Variants in CELF5 observed in about 807,000 individuals in gnomAD.
CELF5 encodes CUG-BP and ETR-3 like factor 5.
In CELF5, 6 loss-of-function variants were observed where a neutral mutation model predicts 54.9. The observed-to-expected ratio is 0.11, with a 90% CI of 0.06 to 0.22. CELF5 has a LOEUF of 0.22. Ranked by LOEUF, CELF5 falls within the 10% of genes least tolerant of loss-of-function variation. CELF5 has a pLI of 1.00. For missense variants in CELF5, 401 were observed against 678.6 expected (o/e 0.59, Z 4.54); for synonymous variants, 271 against 290.9 (o/e 0.93, Z 0.70).
chr19:3,227,615 G>A lies in CELF5; in HGVS notation c.259+2617G>A, dbSNP rs534081869. ...CGGCTCCTGGTACAAGCCCGGAGGG[G>A]GTCAGCTGGTACCACCTCTAGCCCT... On this transcript the variant is annotated intron_variant, in intron 1 of 12. Coordinates refer to ENST00000292672, the MANE Select transcript of CELF5 (RefSeq NM_021938.4). Among the ~76,000 whole-genome samples, 12 of 152,158 alleles carry A rather than the reference G, an allele frequency of 7.9e-5. 1 individual carries two copies. The South Asian group carries it at 2.5e-3, about 32-fold the overall frequency.
intron 2 of CELF5, among the ~76,000 whole-genome samples, chr19:3,252,613 C>T (rs902895745): frequency 2.6e-5 from 4 of 152,154 alleles, no homozygotes; most frequent in African/African-American, 4.8e-5. Context: ...GGAAATCTGA[C>T]GTGCGCCTTC....
At chr19:3,273,810 A>ACCCCCCCC in intron 2 of CELF5, 62 bp from the exon 3 acceptor site, 1 of 1,190,150 alleles carries the variant, frequency 8.4e-7, no homozygotes, top group Non-Finnish European at 1.2e-6. Context: ...CTCAGGCAAA[A>ACCCCCCCC]CCCCCCGCCT....
At chr19:3,262,513 C>T (rs528279826) in intron 2 of CELF5, among the ~76,000 whole-genome samples, 10 of 152,048 alleles carry the variant, frequency 6.6e-5, no homozygotes, top group South Asian at 2.1e-4. Flanking sequence ...CCATATGGGA[C>T]GTAGACTGTT....
At chr19:3,285,309 C>G (rs1229773034) in intron 9 of CELF5, among the ~76,000 whole-genome samples, 4 of 151,686 alleles carry the variant, frequency 2.6e-5, no homozygotes, top group African/African-American at 9.7e-5. Context: ...TCGGCCCTGC[C>G]CCTTACCCTC....
chr19:3,296,495 A>G (rs2080455787), intron 12 of CELF5: 1 of 151,644 alleles, frequency 6.6e-6, no homozygotes, highest in Non-Finnish European at 1.5e-5. Context: ...AGAAAAAAAA[A>G]AATCTTCTGA....
chr19:3,290,390 C>T lies in CELF5; in HGVS notation c.1330+16C>T, dbSNP rs764306637. 449 of 1,611,586 alleles carry T rather than the reference C, an allele frequency of 2.8e-4. No individual in the cohort carries two copies. Among genetic ancestry groups the T allele is most frequent in the Non-Finnish European group, 3.4e-4 (404 of 1,178,258 alleles). On this transcript the variant is annotated intron_variant, in intron 11 of 12. Transcript: ENST00000292672. Reference sequence around the variant, plus strand: ...AAGTGTTTCGGTGAGTGGCCGCCGACGCCACCCCTCCCCATCCACCTCCCT... The same window carrying T: ...AAGTGTTTCGGTGAGTGGCCGCCGATGCCACCCCTCCCCATCCACCTCCCT...
rs139670443 is a variant in CELF5, at chr19:3,281,231, C to T, written c.636C>T (p.Ala212=). ...GASSSLVVKF[A]DTDKERTLRR... ...CCTCCAGCCTGGTGGTCAAGTTCGCCGACACGGACAAGGAGCGGACGCTCC... is the reference window on the plus strand; with the variant it reads ...CCTCCAGCCTGGTGGTCAAGTTCGCTGACACGGACAAGGAGCGGACGCTCC... The change falls in exon 6 of 13, where the codon GCC becomes GCT. Residue 212 remains alanine (A), a synonymous_variant. Transcript: ENST00000292672. This position sits in a 1 kb window ranked among gnomAD's most constrained non-coding sequence, Gnocchi z 6.5. The T allele has an allele frequency of 9.7e-5, 156 of 1,609,518 alleles. No individual in the cohort carries two copies. In the African/African-American group the frequency reaches 1.3e-3, roughly 13 times the overall value.
In CELF5 at chr19:3,281,655, G is replaced by A. The variant is rs2080154569; in HGVS notation, c.750+310G>A. 6.6e-6 allele frequency among the ~76,000 whole-genome samples: 1 copy of A among 152,122 alleles called. No individual in the cohort carries two copies. Among genetic ancestry groups the A allele is most frequent in the Admixed American group, 6.6e-5 (1 of 15,262 alleles). ...CTGATCCCAAACTGAGACCTGACCT[G>A]ATCAAGCTCCACCCTGGCTGAGACC... On this transcript the variant is annotated intron_variant, in intron 6 of 12. Transcript: ENST00000292672. This position sits in a 1 kb window ranked among gnomAD's most constrained non-coding sequence, Gnocchi z 6.5.
intron 12 of CELF5, chr19:3,294,257 A>G (rs2080398566): frequency 6.6e-6 from 1 of 152,192 alleles, no homozygotes; most frequent in Non-Finnish European, 1.5e-5. Flanking sequence ...GTGGGTCTCA[A>G]ACCTTGATGA....
chr19:3,288,129 G>A (rs563383574), intron 10 of CELF5, among the ~76,000 whole-genome samples: 5 of 152,290 alleles, frequency 3.3e-5, no homozygotes, highest in African/African-American at 1.2e-4. Flanking sequence ...TTCAGCGGTC[G>A]CCCACAGTTT....
Position 3,282,180 on chromosome 19 carries a change from G to A in CELF5, c.805G>A (p.Gly269Ser), listed in dbSNP as rs148579507. The change falls in exon 7 of 13, where the codon GGC (glycine) becomes AGC (serine). Residue 269 changes from glycine to serine, a missense_variant. Gly to Ser is a moderately conservative substitution (Grantham distance 56, BLOSUM62 0). Around this residue, in one of 6 missense-constraint regions of CELF5, gnomAD observed 87 missense variants for 190.2 expected, o/e 0.46. Transcript: ENST00000292672. The surrounding 1 kb of genome is among the most constrained non-coding windows in gnomAD (Gnocchi z 5.2). The stretch of plus-strand genomic sequence containing the variant: ...CACCTCGGGCAGCTACCTGAGTCCC[G>A]GCGTGGCCTTCTCACCCTGTCACAT... The part of the protein sequence containing the change: ...LSTSGSYLSP[G>S]VAFSPCHIQQ... 2.3e-5 allele frequency: 37 copies of A among 1,614,148 alleles called. No homozygotes were observed. Among genetic ancestry groups the A allele is most frequent in the African/African-American group, 2.1e-4 (16 of 75,048 alleles).
intron 1 of CELF5, among the ~76,000 whole-genome samples, chr19:3,245,547 C>A (rs2145039982): frequency 6.6e-6 from 1 of 151,106 alleles, no homozygotes; most frequent in African/African-American, 2.4e-5. Flanking sequence ...CCCTCCAAAC[C>A]CTGCAGACAA....
At chr19:3,259,098 T>C (rs2079771960) in intron 2 of CELF5, among the ~76,000 whole-genome samples, 1 of 152,000 alleles carries the variant, frequency 6.6e-6, no homozygotes, top group Admixed American at 6.6e-5. Flanking sequence ...AGTCGAGAGA[T>C]GGAAGGATTT....
chr19:3,251,652 CTTTTTTTTT>C (rs1195812856), intron 2 of CELF5, among the ~76,000 whole-genome samples: 1 of 67,112 alleles, frequency 1.5e-5, no homozygotes, highest in African/African-American at 4.4e-5. Context: ...ACAAGGGCTT[CTTTTTTTTT>C]TTTTTTTTTT....
rs555551229 is a variant in CELF5 at position 3,267,069 on chromosome 19, GTGTGCGTGTGCGTGTGTGCA to G, written c.343-6798_343-6779del. On this transcript the variant is annotated intron_variant, in intron 2 of 12. Coordinates refer to ENST00000292672, the MANE Select transcript of CELF5 (RefSeq NM_021938.4). ...CCCCCACCCAAGAAAACACCTCTGT[GTGTGCGTGTGCGTGTGTGCA>G]TGTGTGTGTGTGTGTGTGCGTGTGC... Among the ~76,000 whole-genome samples, 750 of 145,556 alleles carry G rather than the reference GTGTGCGTGTGCGTGTGTGCA, an allele frequency of 5.2e-3. 4 individuals are homozygous for G. The highest frequency in any genetic ancestry group is 8.4e-3 in the Non-Finnish European group (561 of 66,750).
Position 3,275,744 on chromosome 19 carries a change from G to C in CELF5, c.395-112G>C, listed in dbSNP as rs1384547077. The C allele has an allele frequency of 4.2e-6, 5 of 1,196,514 alleles. No homozygotes were observed. Among genetic ancestry groups the C allele is most frequent in the Non-Finnish European group, 5.7e-6 (5 of 883,626 alleles). 74.1% of individuals were successfully genotyped at this position (1,196,514 alleles called of 1,614,324 possible). A position where few individuals can be genotyped will look rare whatever the true frequency, so the allele number is the denominator to read the frequency against. The stretch of plus-strand genomic sequence containing the variant: ...CGCAGAACCGGAGCCGGCAGGGCCC[G>C]GGCGCCGCGTCTTCCTGCCCTGCCG... On this transcript the variant is annotated intron_variant, in intron 3 of 12. Coordinates refer to ENST00000292672, the MANE Select transcript of CELF5 (RefSeq NM_021938.4). This position sits in a 1 kb window ranked among gnomAD's most constrained non-coding sequence, Gnocchi z 6.7.
chr19:3,267,997 T>C (rs1452405927), intron 2 of CELF5, among the ~76,000 whole-genome samples: 2 of 151,998 alleles, frequency 1.3e-5, no homozygotes, highest in Non-Finnish European at 2.9e-5. Context: ...GATTTTTGTT[T>C]TGTTTTGTTT....
At chr19:3,262,526 A>G (rs1353419807) in intron 2 of CELF5, among the ~76,000 whole-genome samples, 1 of 152,188 alleles carries the variant, frequency 6.6e-6, no homozygotes, top group Non-Finnish European at 1.5e-5. Context: ...AGACTGTTCT[A>G]GACCAGAGAG....
chr19:3,230,941 G>A (rs996355446), intron 1 of CELF5, among the ~76,000 whole-genome samples: 2 of 152,122 alleles, frequency 1.3e-5, no homozygotes, highest in African/African-American at 4.8e-5. Context: ...CCCAGCCCAA[G>A]TCATACAGCA....
Sources: allele counts gnomAD v4.1 joint callset (sites outside exome capture counted in the v4.1 genomes callset), GRCh38; gene constraint gnomAD v4.1.1; regional missense constraint gnomAD v4.1.1; non-coding constraint Gnocchi (gnomAD v3.1); transcripts MANE v1.5; gene names NCBI Gene and HGNC (gene_info 2026-07-23, HGNC 2026-07-21).